Variants in GLI2 observed in about 807,000 individuals in gnomAD.
GLI2 encodes the protein GLI family zinc finger 2.
GLI2 carries 22 observed loss-of-function variants against 78.9 expected under a neutral mutation model. That is an observed-to-expected ratio of 0.28 (90% CI 0.20 to 0.40). The LOEUF is 0.40. Among genes scored for constraint, GLI2 ranks in the 10% least tolerant of loss-of-function variants. The probability of loss-of-function intolerance (pLI) is 1.00; values close to 1 mark genes in which losing one functional copy is unlikely to be tolerated. For missense variants in GLI2, 2,097 were observed against 2,213.2 expected (o/e 0.95, Z 1.05); for synonymous variants, 974 against 963.7 (o/e 1.01, Z -0.20).
intron 2 of GLI2, among the ~76,000 whole-genome samples, chr2:120,807,313 C>T (rs1685005694): frequency 2.0e-5 from 3 of 152,130 alleles, no homozygotes; most frequent in Non-Finnish European, 4.4e-5. Context: ...ATTTTAAACG[C>T]AGGCCAAAAT....
chr2:120,754,722 TG>T lies in GLI2; in HGVS notation c.-31+18438del, dbSNP rs1353295266. 2.0e-5 allele frequency among the ~76,000 whole-genome samples: 3 copies of T among 152,260 alleles called. No homozygotes were observed. The East Asian group carries it at 5.8e-4, about 29-fold the overall frequency. On this transcript the variant is annotated intron_variant, in intron 1 of 13. Transcript: ENST00000361492. The stretch of plus-strand genomic sequence containing the variant: ...TGGGCTATTACAAGTGAGGTTGCTT[TG>T]AACATTTCTGTATAAGTCATTGTAT...
intron 1 of GLI2, among the ~76,000 whole-genome samples, chr2:120,749,782 C>T (rs1057498517): frequency 6.6e-6 from 1 of 152,184 alleles, no homozygotes; most frequent in Non-Finnish European, 1.5e-5. Context: ...AGTAGTCCCT[C>T]GGGAAGTGCA....
At position 120,923,404 on chromosome 2, in the gene GLI2, C is replaced by T. The variant is rs1167603702; in HGVS notation, c.149-3957C>T. ...CACAGCAACACATGCATACAACATG[C>T]ATGTACATATACACAGCAACACACA... On this transcript the variant is annotated intron_variant, in intron 2 of 13. Coordinates refer to ENST00000361492, the MANE Select transcript of GLI2 (RefSeq NM_001374353.1). Among the ~76,000 whole-genome samples, 5 of 146,510 alleles carry T rather than the reference C, an allele frequency of 3.4e-5. No individual in the cohort carries two copies. The South Asian group carries it at 6.7e-4, about 20-fold the overall frequency.
chr2:120,748,087 C>T (rs1261970821), intron 1 of GLI2, among the ~76,000 whole-genome samples: 1 of 152,202 alleles, frequency 6.6e-6, no homozygotes, highest in Non-Finnish European at 1.5e-5. Flanking sequence ...CTCCTTATCC[C>T]CCTTGCCTAG....
At chr2:120,974,404 G>T (rs1329326451) in intron 8 of GLI2, among the ~76,000 whole-genome samples, 1 of 152,188 alleles carries the variant, frequency 6.6e-6, no homozygotes. Flanking sequence ...CTTTTTGACG[G>T]GAATTTCAGG....
intron 2 of GLI2, among the ~76,000 whole-genome samples, chr2:120,832,457 G>A (rs920726046): frequency 3.3e-5 from 5 of 152,120 alleles, no homozygotes; most frequent in South Asian, 2.1e-4. Context: ...TTCCTGATGC[G>A]GCCTGAGCCT....
intron 3 of GLI2, among the ~76,000 whole-genome samples, chr2:120,928,497 T>C (rs980199496): frequency 4.6e-5 from 7 of 152,222 alleles, no homozygotes; most frequent in Admixed American, 3.9e-4. Context: ...AGCTCTCCTC[T>C]CACCTCTGTG....
intron 1 of GLI2, among the ~76,000 whole-genome samples, chr2:120,790,755 G>A (rs1407034481): frequency 6.6e-6 from 1 of 152,150 alleles, no homozygotes; most frequent in Non-Finnish European, 1.5e-5. Flanking sequence ...AGCCATGGCA[G>A]GCTTCGGTTT....
intron 2 of GLI2, among the ~76,000 whole-genome samples, chr2:120,919,206 G>A (rs926377471): frequency 1.3e-5 from 2 of 152,228 alleles, no homozygotes; most frequent in Non-Finnish European, 2.9e-5. Flanking sequence ...TACTGTGCTG[G>A]ATGTTACTTA....
chr2:120,799,606 A>G (rs6727594), intron 2 of GLI2, among the ~76,000 whole-genome samples: 81,238 of 152,100 alleles, frequency 0.53, 23,775 homozygotes, highest in South Asian at 0.74. Context: ...CGACGGCTGC[A>G]TTCGTGGATG....
intron 1 of GLI2, among the ~76,000 whole-genome samples, chr2:120,769,707 G>T (rs1002159620): frequency 6.6e-6 from 1 of 152,208 alleles, no homozygotes; most frequent in African/African-American, 2.4e-5. Context: ...GTGAATGTAG[G>T]GGTGTGTCTG....
chr2:120,950,987 C>T (rs183790628), intron 3 of GLI2, among the ~76,000 whole-genome samples: 39 of 152,366 alleles, frequency 2.6e-4, no homozygotes, highest in African/African-American at 9.4e-4. Flanking sequence ...GTGCGAGGTC[C>T]ATTCTCCAGC....
chr2:120,940,348 G>T (rs994692685), intron 3 of GLI2, among the ~76,000 whole-genome samples: 1 of 152,080 alleles, frequency 6.6e-6, no homozygotes, highest in Non-Finnish European at 1.5e-5. Context: ...TGTCTGGTCA[G>T]ACCTTCAGCC....
In GLI2 at chr2:120,863,524, G is replaced by T. The variant is rs993355404; in HGVS notation, c.149-63837G>T. Among the ~76,000 whole-genome samples the T allele has an allele frequency of 2.6e-5, 4 of 152,208 alleles. No homozygotes were observed. In the South Asian group the frequency reaches 8.3e-4, roughly 32 times the overall value. On this transcript the variant is annotated intron_variant, in intron 2 of 13. Transcript: ENST00000361492. The stretch of plus-strand genomic sequence containing the variant: ...ATTCTGTTTTAATCAGATGCTTAAT[G>T]ATTTTCAGTCTACTTAATTACTAGT...
At chr2:120,765,145 C>A (rs1321573690) in intron 1 of GLI2, among the ~76,000 whole-genome samples, 1 of 152,152 alleles carries the variant, frequency 6.6e-6, no homozygotes, top group African/African-American at 2.4e-5. Context: ...CTGAGGGCTC[C>A]TCTCTGCTGG....
Position 120,984,601 on chromosome 2 carries a change from T to C in GLI2, c.1763T>C (p.Leu588Pro). 6.2e-7 allele frequency: 1 copy of C among 1,614,094 alleles called. No individual in the cohort carries two copies. Among genetic ancestry groups the C allele is most frequent in the Non-Finnish European group, 8.5e-7 (1 of 1,180,024 alleles). ...VTKKQRNDVHLRTPLLKENGD... is the reference protein window; with the variant it reads ...VTKKQRNDVHPRTPLLKENGD... The stretch of plus-strand genomic sequence containing the variant: ...AAGAAGCAGCGCAATGACGTGCACC[T>C]CCGCACACCGCTGCTCAAAGAGAAT... Residue 588 changes from leucine to proline, a missense_variant, in exon 12 of 14, where the codon CTC (leucine) becomes CCC (proline). Around this residue, in one of 5 missense-constraint regions of GLI2, gnomAD observed 57 missense variants for 44.5 expected, o/e 1.28. Coordinates refer to ENST00000361492, the MANE Select transcript of GLI2 (RefSeq NM_001374353.1).
intron 2 of GLI2, among the ~76,000 whole-genome samples, chr2:120,897,211 C>G (rs900522959): frequency 6.6e-6 from 1 of 152,244 alleles, no homozygotes; most frequent in African/African-American, 2.4e-5. Flanking sequence ...AAGTAGCAAA[C>G]TCCCCGTGTT....
chr2:120,961,860 C>T (rs753904586), intron 5 of GLI2, among the ~76,000 whole-genome samples: 21 of 152,304 alleles, frequency 1.4e-4, no homozygotes, highest in Non-Finnish European at 2.5e-4. Flanking sequence ...AAACCTAATC[C>T]CTGTCTGAGG....
At chr2:120,949,033 C>T (rs1680854942) in intron 3 of GLI2, among the ~76,000 whole-genome samples, 2 of 152,152 alleles carry the variant, frequency 1.3e-5, no homozygotes, top group African/African-American at 2.4e-5. Flanking sequence ...GCCATAGAGG[C>T]GTGATGTTGT....
Sources: gnomAD v4.1 joint callset for allele counts (sites outside exome capture counted in the v4.1 genomes callset) on GRCh38, gnomAD v4.1.1 for gene constraint, gnomAD v4.1.1 regional missense constraint, MANE v1.5 for transcripts, NCBI Gene and HGNC (gene_info 2026-07-23, HGNC 2026-07-21) for gene names.